DCDC2: variants seen among roughly 807,000 people sequenced by gnomAD.
DCDC2 encodes the protein doublecortin domain-containing protein 2.
In DCDC2, 40 loss-of-function variants were observed where a neutral mutation model predicts 50.2. That is an observed-to-expected ratio of 0.80 (90% CI 0.62 to 1.04). The LOEUF is 1.04. Ranked by LOEUF, DCDC2 falls within the 50% of genes least tolerant of loss-of-function variation. The pLI is 0.00. For missense variants in DCDC2, 570 were observed against 581.9 expected (o/e 0.98, Z 0.21); for synonymous variants, 234 against 210.6 (o/e 1.11, Z -0.96).
At chr6:24,354,856 G>A (rs1167973984) in intron 1 of DCDC2, among the ~76,000 whole-genome samples, 7 of 152,090 alleles carry the variant, frequency 4.6e-5, no homozygotes, top group South Asian at 2.1e-4. Flanking sequence ...TTTAGTTATC[G>A]TTTCAAAAAT....
At chr6:24,243,778 C>G (rs569875754) in intron 7 of DCDC2, among the ~76,000 whole-genome samples, 2 of 152,060 alleles carry the variant, frequency 1.3e-5, no homozygotes, top group African/African-American at 2.4e-5. Context: ...GTGGTTCTGG[C>G]CTTCAGGATC....
intron 1 of DCDC2, among the ~76,000 whole-genome samples, chr6:24,354,344 A>C (rs1156871268): frequency 1.3e-5 from 2 of 152,184 alleles, no homozygotes; most frequent in Non-Finnish European, 2.9e-5. Context: ...GTGCTAAATA[A>C]ACATTTTAAT....
chr6:24,217,759 T>C (rs907222935), intron 7 of DCDC2, among the ~76,000 whole-genome samples: 6 of 152,228 alleles, frequency 3.9e-5, no homozygotes, highest in South Asian at 2.1e-4. Context: ...ATTTGCTCCA[T>C]AGTAATGTTT....
intron 7 of DCDC2, among the ~76,000 whole-genome samples, chr6:24,217,986 T>C (rs1339759885): frequency 6.6e-6 from 1 of 152,226 alleles, no homozygotes; most frequent in African/African-American, 2.4e-5. Flanking sequence ...TTCCCTGCAA[T>C]ATCTATCATG....
At chr6:24,298,625 A>G (rs879429300) in intron 4 of DCDC2, among the ~76,000 whole-genome samples, 2 of 152,242 alleles carry the variant, frequency 1.3e-5, no homozygotes, top group Admixed American at 6.5e-5. Flanking sequence ...TAAGTCAAAA[A>G]TATAAAGCAC....
intron 9 of DCDC2, 33 bp downstream of exon 9, chr6:24,178,297 A>G (rs1386013126): frequency 6.3e-6 from 10 of 1,595,176 alleles, no homozygotes; most frequent in Non-Finnish European, 8.6e-6. Context: ...ATATTCATGC[A>G]TTCACATAAG....
At chr6:24,379,133 T>A in the DCDC2 span, among the ~76,000 whole-genome samples, 1 of 152,010 alleles carries the variant, frequency 6.6e-6, no homozygotes, top group Non-Finnish European at 1.5e-5. Context: ...GACATAGGCA[T>A]GGGCAAAGAC....
chr6:24,373,292 T>C, the DCDC2 span, among the ~76,000 whole-genome samples: 1 of 152,236 alleles, frequency 6.6e-6, no homozygotes, highest in Non-Finnish European at 1.5e-5. Context: ...TCTACAACAA[T>C]GTTTGTAGAA....
chr6:24,199,222 T>A (rs2113757121), intron 8 of DCDC2, among the ~76,000 whole-genome samples: 1 of 152,184 alleles, frequency 6.6e-6, no homozygotes, highest in South Asian at 2.1e-4. Context: ...TGGGAGAAAA[T>A]TCACAGGATG....
the DCDC2 span, among the ~76,000 whole-genome samples, chr6:24,380,588 T>G: frequency 2.0e-5 from 3 of 152,224 alleles, no homozygotes; most frequent in Non-Finnish European, 4.4e-5. Flanking sequence ...TTGATGTGTT[T>G]CAGTGTATCT....
upstream of DCDC2, among the ~76,000 whole-genome samples, chr6:24,363,027 G>A (rs765120806): frequency 1.3e-4 from 20 of 152,132 alleles, no homozygotes; most frequent in Non-Finnish European, 2.8e-4. Context: ...AATGAGGAGC[G>A]GAATGCTAAG....
At position 24,281,487 on chromosome 6, in the gene DCDC2, G is replaced by GAAAA. The variant is rs59842458; in HGVS notation, c.760-3280_760-3277dup. On this transcript the variant is annotated intron_variant, in intron 6 of 9. Transcript: ENST00000378454. ...ACTGCACCCAGCTAAATGCTTTTAA[G>GAAAA]AAAAAAAAAAAAAAAAAAAAAAGGA... is the stretch of plus-strand genomic sequence containing the variant. 6.4e-3 allele frequency among the ~76,000 whole-genome samples: 534 copies of GAAAA among 83,724 alleles called. 9 individuals carry two copies. Among genetic ancestry groups the GAAAA allele is most frequent in the South Asian group, 0.016 (33 of 2,120 alleles). The allele number at this position is 83,724 out of a possible 152,430, so 54.9% of individuals were successfully genotyped here.
chr6:24,245,730 A>G (rs1246896501), intron 7 of DCDC2, among the ~76,000 whole-genome samples: 1 of 152,242 alleles, frequency 6.6e-6, no homozygotes, highest in Non-Finnish European at 1.5e-5. Flanking sequence ...AGTAGAAAGA[A>G]CAATTTTAAA....
intron 2 of DCDC2, among the ~76,000 whole-genome samples, chr6:24,341,871 A>C (rs1218550939): frequency 1.3e-5 from 2 of 152,170 alleles, no homozygotes; most frequent in Non-Finnish European, 1.5e-5. Flanking sequence ...AGATCTTTGA[A>C]ACAAAGTTTC....
At chr6:24,310,292 A>G (rs1561769571) in intron 2 of DCDC2, among the ~76,000 whole-genome samples, 1 of 152,230 alleles carries the variant, frequency 6.6e-6, no homozygotes, top group Non-Finnish European at 1.5e-5. Flanking sequence ...ATTAAGCTCC[A>G]GAAAATTAAA....
intron 7 of DCDC2, among the ~76,000 whole-genome samples, chr6:24,232,983 A>G (rs1220873337): frequency 6.6e-6 from 1 of 152,206 alleles, no homozygotes. Flanking sequence ...ATGATAGGCA[A>G]TGGCCATTTA....
In DCDC2 at chr6:24,306,543, T is replaced by TAGATAGATAGATAGACAGAC. The variant is rs1209633765; in HGVS notation, c.349-4500_349-4499insGTCTGTCTATCTATCTATCT. ...ATAGATAGATAGATAGATAGATAGA[T>TAGATAGATAGATAGACAGAC]AGACAGACAGACAGACAGACAGACA... On this transcript the variant is annotated intron_variant, in intron 2 of 9. Transcript: ENST00000378454. 9.9e-4 allele frequency among the ~76,000 whole-genome samples: 115 copies of TAGATAGATAGATAGACAGAC among 115,708 alleles called. 1 individual carries two copies. The highest frequency in any genetic ancestry group is 4.9e-3 in the East Asian group (18 of 3,698). The allele number at this position is 115,708 out of a possible 152,430, so 75.9% of individuals were successfully genotyped here.
intron 6 of DCDC2, among the ~76,000 whole-genome samples, chr6:24,282,896 T>G (rs1581630095): frequency 6.6e-6 from 1 of 151,976 alleles, no homozygotes; most frequent in East Asian, 1.9e-4. Context: ...CAAAATGGAG[T>G]TTTGGAGTAT....
intron 8 of DCDC2, among the ~76,000 whole-genome samples, chr6:24,192,897 A>C (rs1761343994): frequency 6.6e-6 from 1 of 152,130 alleles, no homozygotes; most frequent in Non-Finnish European, 1.5e-5. Context: ...AGAATTAAAA[A>C]GCCCATTGAG....
Sources: gnomAD v4.1 joint callset for allele counts (sites outside exome capture counted in the v4.1 genomes callset) on GRCh38, gnomAD v4.1.1 for gene constraint, MANE v1.5 for transcripts, NCBI Gene and HGNC (gene_info 2026-07-23, HGNC 2026-07-21) for gene names.